LRP1B: variants seen among roughly 807,000 people sequenced by gnomAD.
The protein encoded by LRP1B is LDL receptor related protein 1B, also known as low-density lipoprotein receptor-related protein 1B.
A neutral mutation model predicts 556.6 loss-of-function variants in LRP1B; 217 were observed. That is an observed-to-expected ratio of 0.39 (90% CI 0.35 to 0.44). The LOEUF (loss-of-function observed/expected upper bound fraction) is 0.44, where lower values mean the gene tolerates loss of function less well. Among genes scored for constraint, LRP1B ranks in the 20% least tolerant of loss-of-function variants. The pLI, the probability that LRP1B is intolerant of heterozygous loss-of-function variation, is 1.00. For synonymous variants in LRP1B, 2,047 were observed against 1,865.8 expected, an observed-to-expected ratio of 1.10 and a Z score of -2.50; for missense variants, 5,053 against 5,620.8, an observed-to-expected ratio of 0.90 and a Z score of 3.23.
intron 1 of LRP1B, among the ~76,000 whole-genome samples, chr2:142,000,804 G>T (rs754017491): frequency 6.6e-6 from 1 of 152,130 alleles, no homozygotes; most frequent in Non-Finnish European, 1.5e-5. Context: ...CAGAAAAAGT[G>T]TCAAGAGCCC....
At chr2:141,998,025 T>C (rs1446510282) in intron 1 of LRP1B, among the ~76,000 whole-genome samples, 1 of 151,922 alleles carries the variant, frequency 6.6e-6, no homozygotes, top group Non-Finnish European at 1.5e-5. Flanking sequence ...CGTATTAAAG[T>C]AAAAAAAGGG....
At chr2:141,612,241 C>G (rs900515297) in intron 2 of LRP1B, among the ~76,000 whole-genome samples, 3 of 152,162 alleles carry the variant, frequency 2.0e-5, no homozygotes, top group African/African-American at 7.2e-5. Context: ...AATAGGAAAA[C>G]TCAGTGTTCA....
intron 29 of LRP1B, among the ~76,000 whole-genome samples, chr2:140,846,360 TC>T (rs1339707148): frequency 6.6e-6 from 1 of 152,050 alleles, no homozygotes; most frequent in Non-Finnish European, 1.5e-5. Context: ...TATTTCTACC[TC>T]CCCTCACGAA....
intron 7 of LRP1B, among the ~76,000 whole-genome samples, chr2:141,105,401 T>C (rs1209713990): frequency 6.6e-6 from 1 of 152,158 alleles, no homozygotes; most frequent in Non-Finnish European, 1.5e-5. Context: ...GTGCTGTGTT[T>C]ACTCTTACCA....
chr2:140,655,046 A>ATATATATATATATATG, intron 41 of LRP1B, among the ~76,000 whole-genome samples: 1 of 151,920 alleles, frequency 6.6e-6, no homozygotes. Flanking sequence ...ATATATATAT[A>ATATATATATATATATG]TCTCCTAGCT....
chr2:140,504,546 TCA>T (rs1689325922), intron 53 of LRP1B, among the ~76,000 whole-genome samples: 1 of 152,190 alleles, frequency 6.6e-6, no homozygotes, highest in East Asian at 1.9e-4. Context: ...AATTAAATTA[TCA>T]CACAGTCACT....
chr2:140,583,197 A>G (rs1681850775), intron 43 of LRP1B, among the ~76,000 whole-genome samples: 2 of 97,746 alleles, frequency 2.0e-5, no homozygotes, highest in South Asian at 3.1e-4. Context: ...TTTTTTTGAG[A>G]CAGCATCTCT....
intron 1 of LRP1B, among the ~76,000 whole-genome samples, chr2:142,090,382 T>TG (rs1445607499): frequency 6.6e-6 from 1 of 152,120 alleles, no homozygotes; most frequent in Admixed American, 6.5e-5. Context: ...ATTTTACAGA[T>TG]GAAAAAGTCT....
At chr2:140,289,003 C>G (rs1683269889) in intron 84 of LRP1B, among the ~76,000 whole-genome samples, 1 of 151,844 alleles carries the variant, frequency 6.6e-6, no homozygotes, top group South Asian at 2.1e-4. Flanking sequence ...AGAGTTGTCT[C>G]AATATCAGGT....
chr2:140,959,707 G>C (rs1326266507), intron 18 of LRP1B, among the ~76,000 whole-genome samples: 1 of 151,592 alleles, frequency 6.6e-6, no homozygotes, highest in Non-Finnish European at 1.5e-5. Context: ...TATATTTTAA[G>C]ACTTTACTTC....
At chr2:140,536,771 T>C in intron 45 of LRP1B, 62 bp from the exon 46 acceptor site, 2 of 1,247,156 alleles carry the variant, frequency 1.6e-6, no homozygotes, top group Non-Finnish European at 2.2e-6. Flanking sequence ...TTGACACCAC[T>C]ACAATTATTT....
At chr2:141,556,710 A>G (rs547096431) in intron 2 of LRP1B, among the ~76,000 whole-genome samples, 11 of 152,028 alleles carry the variant, frequency 7.2e-5, no homozygotes, top group Admixed American at 3.9e-4. Context: ...AGGTAAAAGT[A>G]GGATCAGTTT....
At position 141,509,438 on chromosome 2, in the gene LRP1B, G is replaced by C. The variant is rs1406449392; in HGVS notation, c.206-28905C>G. Among the ~76,000 whole-genome samples the C allele has an allele frequency of 1.6e-4, 25 of 152,094 alleles. 1 individual carries two copies. The highest frequency in any genetic ancestry group is 1.6e-3 in the Admixed American group (25 of 15,246). On this transcript the variant is annotated intron_variant, in intron 2 of 90. Coordinates refer to ENST00000389484, the MANE Select transcript of LRP1B (RefSeq NM_018557.3). ...AATAGGGTGGTTGTCTGCCACCAGA[G>C]CTTCTTTGAGTGATGCTTATGACTA...
At chr2:140,363,466 G>GA (rs1011226387) in intron 72 of LRP1B, among the ~76,000 whole-genome samples, 40 of 151,228 alleles carry the variant, frequency 2.6e-4, no homozygotes, top group African/African-American at 7.3e-4. Context: ...ATAGAGAATA[G>GA]AAAAAAAATC....
intron 2 of LRP1B, among the ~76,000 whole-genome samples, chr2:141,643,405 T>A (rs1032893073): frequency 1.3e-5 from 2 of 152,188 alleles, no homozygotes; most frequent in Admixed American, 1.3e-4. Context: ...AATATACATA[T>A]TTAAGATAAT....
At chr2:142,121,086 T>G (rs1707442257) in intron 1 of LRP1B, among the ~76,000 whole-genome samples, 1 of 152,196 alleles carries the variant, frequency 6.6e-6, no homozygotes. Flanking sequence ...TCCTCCCTAA[T>G]ACATAGAATG....
At chr2:140,894,115 C>A (rs929293388) in intron 23 of LRP1B, among the ~76,000 whole-genome samples, 1 of 152,174 alleles carries the variant, frequency 6.6e-6, no homozygotes, top group Non-Finnish European at 1.5e-5. Context: ...TTAAGTCCCC[C>A]ATAGCTTCAT....
chr2:140,588,637 G>T (rs1204133634), intron 43 of LRP1B, among the ~76,000 whole-genome samples: 1 of 152,148 alleles, frequency 6.6e-6, no homozygotes, highest in Non-Finnish European at 1.5e-5. Flanking sequence ...ATGCCCAAAT[G>T]ATTTTTGAAA....
At chr2:141,086,177 G>A (rs909625157) in intron 7 of LRP1B, among the ~76,000 whole-genome samples, 3 of 152,062 alleles carry the variant, frequency 2.0e-5, no homozygotes, top group East Asian at 1.9e-4. Context: ...GATATTTTGC[G>A]ACTATATGAA....
Sources: allele counts gnomAD v4.1 joint callset (sites outside exome capture counted in the v4.1 genomes callset), GRCh38; gene constraint gnomAD v4.1.1; transcripts MANE v1.5; gene names NCBI Gene and HGNC (gene_info 2026-07-23, HGNC 2026-07-21).